The following DNAH14 variants were observed in gnomAD, a reference collection of about 807,000 sequenced individuals.
DNAH14 encodes the protein dynein axonemal heavy chain 14.
A neutral mutation model predicts 520.9 loss-of-function variants in DNAH14; 478 were observed. The ratio of observed to expected loss-of-function variants is 0.92; its 90% confidence interval spans 0.85 to 0.99. DNAH14 has a LOEUF of 0.99. Among genes scored for constraint, DNAH14 ranks in the 50% least tolerant of loss-of-function variants. DNAH14 has a pLI of 0.00. For missense variants in DNAH14, 4,831 were observed against 5,234.5 expected (o/e 0.92, Z 2.38); for synonymous variants, 1,581 against 1,757.2 (o/e 0.90, Z 2.51).
intron 20 of DNAH14, among the ~76,000 whole-genome samples, chr1:225,084,346 A>G (rs916894497): frequency 5.3e-5 from 8 of 152,156 alleles, no homozygotes; most frequent in Non-Finnish European, 8.8e-5. Flanking sequence ...GTAGATGCCA[A>G]AATGGACAGG....
At chr1:224,992,980 C>T (rs2063157406) in intron 8 of DNAH14, among the ~76,000 whole-genome samples, 1 of 152,008 alleles carries the variant, frequency 6.6e-6, no homozygotes, top group African/African-American at 2.4e-5. Flanking sequence ...TTTTGTCCTT[C>T]ATTCTGTTAA....
intron 8 of DNAH14, among the ~76,000 whole-genome samples, chr1:224,982,366 C>T (rs550026255): frequency 4.4e-4 from 67 of 150,822 alleles, no homozygotes; most frequent in African/African-American, 1.5e-3. Context: ...TTTATTCATC[C>T]GTCATTTGGG....
At chr1:225,072,344 A>G (rs900961290) in intron 17 of DNAH14, among the ~76,000 whole-genome samples, 9 of 151,990 alleles carry the variant, frequency 5.9e-5, no homozygotes, top group African/African-American at 2.2e-4. Flanking sequence ...AATACTTGTG[A>G]TTGCATTATG....
At position 225,023,612 on chromosome 1, in the gene DNAH14, T is replaced by A; in HGVS notation, c.1108-3T>A. The A allele has an allele frequency of 2.0e-6, 3 of 1,508,076 alleles. No individual in the cohort carries two copies. The highest frequency in any genetic ancestry group is 2.7e-6 in the Non-Finnish European group (3 of 1,123,032). The allele number at this position is 1,508,076 out of a possible 1,614,324, so 93.4% of individuals were successfully genotyped here. A position where few individuals can be genotyped will look rare whatever the true frequency, so the allele number is the denominator to read the frequency against. On this transcript the variant is annotated splice_polypyrimidine_tract_variant and splice_region_variant and intron_variant, in intron 10 of 85. Coordinates refer to ENST00000682510, the MANE Select transcript of DNAH14 (RefSeq NM_001367479.1). Reference sequence around the variant, plus strand: ...TGTTTCTCAATTGTTTTTTAAATTGTAGGTTGCAGAAAAGAATGAAATCAA... The same window carrying A: ...TGTTTCTCAATTGTTTTTTAAATTGAAGGTTGCAGAAAAGAATGAAATCAA...
chr1:225,101,350 G>A (rs2148729234), intron 23 of DNAH14, among the ~76,000 whole-genome samples: 1 of 152,068 alleles, frequency 6.6e-6, no homozygotes, highest in East Asian at 1.9e-4. Context: ...CTTATCCTTT[G>A]TGTTAAAAAT....
chr1:225,221,102 A>G (rs1174579574), intron 41 of DNAH14, among the ~76,000 whole-genome samples: 1 of 152,224 alleles, frequency 6.6e-6, no homozygotes, highest in Non-Finnish European at 1.5e-5. Context: ...GGCTACACAT[A>G]TGCAGAAAAC....
At chr1:225,066,423 G>T (rs1315971903) in intron 17 of DNAH14, among the ~76,000 whole-genome samples, 1 of 151,898 alleles carries the variant, frequency 6.6e-6, no homozygotes, top group Non-Finnish European at 1.5e-5. Context: ...CCAACATCAT[G>T]GAGCTTTGCC....
intron 21 of DNAH14, among the ~76,000 whole-genome samples, chr1:225,095,487 G>A (rs115205539): frequency 1.2e-3 from 178 of 152,214 alleles, no homozygotes; most frequent in African/African-American, 4.0e-3. Context: ...AACAGACACC[G>A]GGGCGTACTT....
intron 55 of DNAH14, among the ~76,000 whole-genome samples, chr1:225,295,807 C>T (rs910872423): frequency 2.6e-5 from 4 of 152,144 alleles, no homozygotes; most frequent in Admixed American, 1.3e-4. Context: ...TGCTGATTTT[C>T]TGTCTAGATG....
At chr1:225,161,237 T>C (rs2081494771) in intron 35 of DNAH14, among the ~76,000 whole-genome samples, 1 of 152,182 alleles carries the variant, frequency 6.6e-6, no homozygotes, top group Non-Finnish European at 1.5e-5. Context: ...ATTGTTTTTA[T>C]GTTTAGGTTG....
intron 38 of DNAH14, among the ~76,000 whole-genome samples, chr1:225,196,913 T>C (rs1181048234): frequency 6.6e-6 from 1 of 152,098 alleles, no homozygotes; most frequent in Non-Finnish European, 1.5e-5. Context: ...TTCTTGCTAA[T>C]TCACTTGAGT....
chr1:225,193,504 A>C (rs2149358337), intron 38 of DNAH14, among the ~76,000 whole-genome samples: 1 of 152,264 alleles, frequency 6.6e-6, no homozygotes, highest in African/African-American at 2.4e-5. Flanking sequence ...AGCCTGGTCA[A>C]TATCACAAGA....
At chr1:225,185,447 A>G (rs2084576295) in intron 37 of DNAH14, 22 bp downstream of exon 37, 4 of 1,507,728 alleles carry the variant, frequency 2.7e-6, no homozygotes, top group African/African-American at 2.8e-5. Context: ...GTTAAATAAA[A>G]TGTTTCTCTA....
chr1:224,940,434 T>C (rs2059337367), intron 1 of DNAH14, among the ~76,000 whole-genome samples: 1 of 152,236 alleles, frequency 6.6e-6, no homozygotes, highest in African/African-American at 2.4e-5. Flanking sequence ...ATACTGTGTA[T>C]TACATATTTT....
At chr1:224,945,736 G>A (rs1316597787) in intron 1 of DNAH14, among the ~76,000 whole-genome samples, 3 of 152,276 alleles carry the variant, frequency 2.0e-5, no homozygotes, top group Non-Finnish European at 4.4e-5. Context: ...CAGGTCTGTT[G>A]GAGTTTGCTG....
chr1:225,051,820 G>C, intron 17 of DNAH14, 25 bp downstream of exon 17: 1 of 1,399,294 alleles, frequency 7.1e-7, no homozygotes, highest in Non-Finnish European at 9.5e-7. Context: ...AATTCTTATT[G>C]TGTAAGAATG....
chr1:225,107,610 A>G (rs1320040414), intron 23 of DNAH14, among the ~76,000 whole-genome samples: 1 of 152,190 alleles, frequency 6.6e-6, no homozygotes, highest in Non-Finnish European at 1.5e-5. Context: ...GTACGGAGAC[A>G]GAGGCAGGGG....
chr1:224,944,277 G>A (rs2059637683), intron 1 of DNAH14, among the ~76,000 whole-genome samples: 1 of 152,022 alleles, frequency 6.6e-6, no homozygotes, highest in South Asian at 2.1e-4. Context: ...TTTGATCTTT[G>A]TTGGTTTAAA....
chr1:225,076,057 G>T (rs184922027), intron 17 of DNAH14, among the ~76,000 whole-genome samples: 19 of 152,204 alleles, frequency 1.2e-4, no homozygotes, highest in African/African-American at 3.9e-4. Flanking sequence ...CCTTGAGCTT[G>T]TATCCCTGGG....
Sources: allele counts gnomAD v4.1 joint callset (sites outside exome capture counted in the v4.1 genomes callset), GRCh38; gene constraint gnomAD v4.1.1; transcripts MANE v1.5; gene names NCBI Gene and HGNC (gene_info 2026-07-23, HGNC 2026-07-21).